Variants in PPFIA2 observed in about 807,000 individuals in gnomAD.
The protein encoded by PPFIA2 is liprin-alpha-2.
In PPFIA2, 46 loss-of-function variants were observed where a neutral mutation model predicts 175.5. The ratio of observed to expected loss-of-function variants is 0.26; its 90% CI spans 0.21 to 0.34. PPFIA2 has a LOEUF of 0.34. Among genes scored for constraint, PPFIA2 ranks in the 10% least tolerant of loss-of-function variants. The pLI is 1.00. For missense variants in PPFIA2, 1,179 were observed against 1,506.1 expected, an observed-to-expected ratio of 0.78 and a Z score of 3.60; for synonymous variants, 568 against 511.4, an observed-to-expected ratio of 1.11 and a Z score of -1.49.
Position 81,314,163 on chromosome 12 carries a change from G to T in PPFIA2, c.2642+11614C>A, listed in dbSNP as rs11114821. 0.016 allele frequency among the ~76,000 whole-genome samples: 2,433 copies of T among 151,778 alleles called. 131 individuals are homozygous for T. In the East Asian group the frequency reaches 0.17, roughly 11 times the overall value. On this transcript the variant is annotated intron_variant, in intron 22 of 32. Coordinates refer to ENST00000549396, the MANE Select transcript of PPFIA2 (RefSeq NM_003625.5). ...CATGACTTTCAAACAAATGTGTTCT[G>T]CAAAAGACAAAAATCTATAGTTATA... is the stretch of plus-strand genomic sequence containing the variant.
intron 3 of PPFIA2, among the ~76,000 whole-genome samples, chr12:81,701,349 T>C (rs370755007): frequency 2.4e-4 from 36 of 152,298 alleles, no homozygotes; most frequent in African/African-American, 8.4e-4. Flanking sequence ...GGGGTCAAAC[T>C]GATTCATGCA....
chr12:81,430,339 T>A (rs1402991127), intron 7 of PPFIA2: 1 of 152,142 alleles, frequency 6.6e-6, no homozygotes, highest in African/African-American at 2.4e-5. Context: ...AGTATTACCT[T>A]CTTTCATTTA....
chr12:81,506,379 G>C (rs1473421326), intron 4 of PPFIA2, among the ~76,000 whole-genome samples: 1 of 152,086 alleles, frequency 6.6e-6, no homozygotes, highest in Non-Finnish European at 1.5e-5. Context: ...TGTTTAGATA[G>C]CACTTTATAC....
At chr12:81,694,223 T>C (rs1399512076) in intron 3 of PPFIA2, among the ~76,000 whole-genome samples, 1 of 152,170 alleles carries the variant, frequency 6.6e-6, no homozygotes, top group Admixed American at 6.5e-5. Flanking sequence ...ACCCAAGTGC[T>C]GATAGCCAAG....
chr12:81,645,901 A>C (rs560397409), intron 4 of PPFIA2, among the ~76,000 whole-genome samples: 1 of 152,338 alleles, frequency 6.6e-6, no homozygotes, highest in East Asian at 1.9e-4. Context: ...ACAGGTAGGA[A>C]AAGAGAACAA....
rs117661868 is a variant in PPFIA2, at chr12:81,419,072, A to G, written c.646-13169T>C. 2.2e-3 allele frequency among the ~76,000 whole-genome samples: 337 copies of G among 152,192 alleles called. 1 individual carries two copies. The highest frequency in any genetic ancestry group is 3.3e-3 in the Non-Finnish European group (226 of 67,952). Reference sequence around the variant, plus strand: ...GTATATAAAAATAGTTTTAACTTATATATTTCTAATATAAGACCCTTAAGG... The same window carrying G: ...GTATATAAAAATAGTTTTAACTTATGTATTTCTAATATAAGACCCTTAAGG... On this transcript the variant is annotated intron_variant, in intron 7 of 32. Coordinates refer to ENST00000549396, the MANE Select transcript of PPFIA2 (RefSeq NM_003625.5).
chr12:81,581,021 C>T (rs1047656552), intron 4 of PPFIA2, among the ~76,000 whole-genome samples: 2 of 151,756 alleles, frequency 1.3e-5, no homozygotes, highest in Non-Finnish European at 2.9e-5. Flanking sequence ...GACTGTGACA[C>T]ATTCATATAT....
chr12:81,583,079 T>C (rs2074663927), intron 4 of PPFIA2, among the ~76,000 whole-genome samples: 1 of 151,954 alleles, frequency 6.6e-6, no homozygotes, highest in African/African-American at 2.4e-5. Context: ...CGTATTTCCA[T>C]TTCAATTCTG....
At chr12:81,550,735 T>C (rs899391129) in intron 4 of PPFIA2, among the ~76,000 whole-genome samples, 1 of 151,846 alleles carries the variant, frequency 6.6e-6, no homozygotes, top group Non-Finnish European at 1.5e-5. Context: ...CAAGGTGCCA[T>C]TAAAACAGCA....
At chr12:81,597,821 A>G in intron 4 of PPFIA2, 3 of 906,252 alleles carry the variant, frequency 3.3e-6, no homozygotes, top group Non-Finnish European at 4.9e-6. Flanking sequence ...TGACATGCAC[A>G]TTATTCATTC....
intron 7 of PPFIA2, among the ~76,000 whole-genome samples, chr12:81,412,932 G>A (rs935825586): frequency 2.6e-5 from 4 of 151,810 alleles, no homozygotes; most frequent in South Asian, 2.1e-4. Flanking sequence ...AAAAAGTGCC[G>A]TCTTGGCTGT....
chr12:81,367,679 T>A (rs1851383), intron 13 of PPFIA2, among the ~76,000 whole-genome samples: 24,259 of 151,522 alleles, frequency 0.16, 2,689 homozygotes, highest in East Asian at 0.42. Flanking sequence ...AATAACAAAC[T>A]CTAGCTATTC....
intron 4 of PPFIA2, among the ~76,000 whole-genome samples, chr12:81,643,057 C>T (rs1253818409): frequency 1.4e-5 from 2 of 145,020 alleles, no homozygotes; most frequent in Non-Finnish European, 3.0e-5. Flanking sequence ...TATATATACA[C>T]GTATATATTT....
At position 81,389,054 on chromosome 12, in the gene PPFIA2, C is replaced by T. The variant is rs79900189; in HGVS notation, c.763-4810G>A. 1.5e-3 allele frequency among the ~76,000 whole-genome samples: 221 copies of T among 151,200 alleles called. 1 individual carries two copies. The highest frequency in any genetic ancestry group is 4.8e-3 in the African/African-American group (196 of 41,214). ...TCTGGACTTTTCACAGAAGTGGAGCCGCTGAACATGTGTTCTTTCGTGACT... is the reference window on the plus strand; with the variant it reads ...TCTGGACTTTTCACAGAAGTGGAGCTGCTGAACATGTGTTCTTTCGTGACT... On this transcript the variant is annotated intron_variant, in intron 8 of 32. Coordinates refer to ENST00000549396, the MANE Select transcript of PPFIA2 (RefSeq NM_003625.5).
intron 31 of PPFIA2, among the ~76,000 whole-genome samples, chr12:81,262,663 T>C (rs2036001690): frequency 6.6e-6 from 1 of 152,212 alleles, no homozygotes; most frequent in Non-Finnish European, 1.5e-5. Flanking sequence ...GTAAATTAGA[T>C]AGCTTAAGTC....
chr12:81,566,017 G>T (rs1346708364), intron 4 of PPFIA2, among the ~76,000 whole-genome samples: 1 of 152,084 alleles, frequency 6.6e-6, no homozygotes, highest in Non-Finnish European at 1.5e-5. Flanking sequence ...GAGAGAATTA[G>T]GTTTTAAAGT....
At chr12:81,719,451 C>T (rs980553567) in intron 3 of PPFIA2, among the ~76,000 whole-genome samples, 1 of 151,426 alleles carries the variant, frequency 6.6e-6, no homozygotes, top group Non-Finnish European at 1.5e-5. Flanking sequence ...TTAAAAAGTT[C>T]TCTGGGGTGA....
At chr12:81,597,881 T>C in intron 4 of PPFIA2, 1 of 1,427,972 alleles carries the variant, frequency 7.0e-7, no homozygotes, top group Non-Finnish European at 9.5e-7. Context: ...TCTTCCTTTA[T>C]ATAGCACTTT....
chr12:81,576,117 A>G (rs565166671), intron 4 of PPFIA2, among the ~76,000 whole-genome samples: 1 of 151,650 alleles, frequency 6.6e-6, no homozygotes, highest in African/African-American at 2.4e-5. Context: ...AAGTTCCCTT[A>G]CAATTGAAGG....
Sources: allele counts gnomAD v4.1 joint callset (sites outside exome capture counted in the v4.1 genomes callset), GRCh38; gene constraint gnomAD v4.1.1; transcripts MANE v1.5; gene names NCBI Gene and HGNC (gene_info 2026-07-23, HGNC 2026-07-21).